The following CYP39A1 variants were observed in gnomAD, a reference collection of about 807,000 sequenced individuals.
CYP39A1 encodes cytochrome P450 family 39 subfamily A member 1.
In CYP39A1, 49 loss-of-function variants were observed where a neutral mutation model predicts 58.1. The ratio of observed to expected loss-of-function variants is 0.84; its 90% CI spans 0.67 to 1.07. The LOEUF (loss-of-function observed/expected upper bound fraction) is 1.07. CYP39A1 is among the 50% of genes least tolerant of loss of function. The pLI is 0.00. For synonymous variants in CYP39A1, 209 were observed against 187.6 expected (o/e 1.11, Z -0.93); for missense variants, 531 against 539.4 (o/e 0.98, Z 0.16).
intron 5 of CYP39A1, 41 bp downstream of exon 5, chr6:46,636,348 A>T: frequency 7.3e-7 from 1 of 1,378,710 alleles, no homozygotes; most frequent in Non-Finnish European, 1.0e-6. Flanking sequence ...ATAATTTATT[A>T]CTATCTTTAC....
rs201020819 is a variant in CYP39A1, at chr6:46,550,435, A to G, written c.1341T>C (p.Ser447=). ...GGGGGACACCCACCAAATGGAGATA[A>G]CTCTAAAAACAGAAATGCAGAAGAA... The part of the protein sequence containing the change: ...CSLLDPLPKQ[S]YLHLVGVPQP... The change falls in exon 12 of 12, where the codon AGT becomes AGC. Residue 447 remains serine (S), a splice_region_variant and synonymous_variant. Coordinates refer to ENST00000275016, the MANE Select transcript of CYP39A1 (RefSeq NM_016593.5). 1 of 1,610,118 alleles carries G rather than the reference A, an allele frequency of 6.2e-7. No individual in the cohort carries two copies. The highest frequency in any genetic ancestry group is 8.5e-7 in the Non-Finnish European group (1 of 1,178,066).
chr6:46,609,135 C>T (rs1774038760), intron 7 of CYP39A1, among the ~76,000 whole-genome samples: 1 of 151,946 alleles, frequency 6.6e-6, no homozygotes, highest in African/African-American at 2.4e-5. Context: ...GCACCGTGGG[C>T]TCACGCCTGT....
chr6:46,634,093 A>G (rs1307987213), intron 5 of CYP39A1, among the ~76,000 whole-genome samples: 2 of 152,248 alleles, frequency 1.3e-5, no homozygotes, highest in African/African-American at 4.8e-5. Context: ...CCAAAATCTC[A>G]TCTTGAATTC....
At chr6:46,646,751 T>C (rs1367197141) in intron 1 of CYP39A1, among the ~76,000 whole-genome samples, 1 of 152,088 alleles carries the variant, frequency 6.6e-6, no homozygotes, top group Non-Finnish European at 1.5e-5. Context: ...TGTAGGGCTA[T>C]TAAAATTATG....
chr6:46,556,292 A>G (rs1025654375), intron 10 of CYP39A1, among the ~76,000 whole-genome samples: 1 of 152,226 alleles, frequency 6.6e-6, no homozygotes, highest in Non-Finnish European at 1.5e-5. Flanking sequence ...AAAAACTCAC[A>G]GGTCTGAGAG....
In CYP39A1 at chr6:46,557,979, C is replaced by T. The variant is rs1770751062; in HGVS notation, c.1251-4125G>A. Among the ~76,000 whole-genome samples, 4 of 146,300 alleles carry T rather than the reference C, an allele frequency of 2.7e-5. No homozygotes were observed. In the South Asian group the frequency reaches 8.8e-4, roughly 32 times the overall value. ...AGAAAAAAAGAAAAAGAAAATCATG[C>T]TAATGTGAATCATAATCAAATTGCA... On this transcript the variant is annotated intron_variant, in intron 10 of 11. Transcript: ENST00000275016.
intron 1 of CYP39A1, among the ~76,000 whole-genome samples, chr6:46,646,433 C>A (rs185444980): frequency 6.6e-6 from 1 of 151,994 alleles, no homozygotes; most frequent in African/African-American, 2.4e-5. Flanking sequence ...AGACTTCACT[C>A]GGTAATTCTT....
intron 10 of CYP39A1, among the ~76,000 whole-genome samples, chr6:46,566,392 C>A (rs182623588): frequency 1.3e-5 from 2 of 152,266 alleles, no homozygotes; most frequent in South Asian, 2.1e-4. Context: ...CACTTACAAT[C>A]ATGGTAGAAG....
At chr6:46,556,805 T>C (rs997691908) in intron 10 of CYP39A1, among the ~76,000 whole-genome samples, 1 of 152,160 alleles carries the variant, frequency 6.6e-6, no homozygotes, top group Admixed American at 6.5e-5. Context: ...CCAGTATCCA[T>C]GGCACTTAAC....
At position 46,627,833 on chromosome 6, in the gene CYP39A1, A is replaced by G. The variant is rs372249456; in HGVS notation, c.841-2325T>C. Among the ~76,000 whole-genome samples, 6 of 152,328 alleles carry G rather than the reference A, an allele frequency of 3.9e-5. No individual in the cohort carries two copies. The East Asian group carries it at 1.2e-3, about 29-fold the overall frequency. ...AAATAGTTAATAAAAGTTTATATGT[A>G]TTACTACATCAATAAGCAAGAATAA... On this transcript the variant is annotated intron_variant, in intron 6 of 11. Coordinates refer to ENST00000275016, the MANE Select transcript of CYP39A1 (RefSeq NM_016593.5).
chr6:46,575,469 G>C (rs1771801333), intron 10 of CYP39A1, among the ~76,000 whole-genome samples: 1 of 152,208 alleles, frequency 6.6e-6, no homozygotes, highest in Non-Finnish European at 1.5e-5. Context: ...CAAAGTGCTT[G>C]TCAATGGCCA....
intron 7 of CYP39A1, among the ~76,000 whole-genome samples, chr6:46,605,040 T>C (rs572691327): frequency 6.6e-6 from 1 of 150,578 alleles, no homozygotes; most frequent in South Asian, 2.1e-4. Flanking sequence ...AATCTCATAA[T>C]GTTTTAAGAA....
At chr6:46,634,276 T>C (rs1038302300) in intron 5 of CYP39A1, among the ~76,000 whole-genome samples, 53 of 152,280 alleles carry the variant, frequency 3.5e-4, no homozygotes, top group Non-Finnish European at 8.8e-5. Context: ...TGTAAGATGT[T>C]ACTTGATCCT....
intron 10 of CYP39A1, among the ~76,000 whole-genome samples, chr6:46,560,641 G>A (rs1398199869): frequency 2.6e-5 from 4 of 152,106 alleles, no homozygotes; most frequent in Non-Finnish European, 1.5e-5. Context: ...TAAGTAATGA[G>A]CCCCATGATT....
intron 7 of CYP39A1, among the ~76,000 whole-genome samples, chr6:46,611,099 T>G (rs1255710181): frequency 6.6e-6 from 1 of 152,176 alleles, no homozygotes; most frequent in African/African-American, 2.4e-5. Flanking sequence ...CACACATGTT[T>G]CTACTCTCCT....
chr6:46,585,768 C>T (rs550099668), intron 10 of CYP39A1, among the ~76,000 whole-genome samples: 93 of 152,170 alleles, frequency 6.1e-4, no homozygotes, highest in African/African-American at 2.1e-3. Flanking sequence ...ATGAATTCAG[C>T]GACAAAATAA....
chr6:46,636,542 A>G, intron 4 of CYP39A1, 60 bp from the exon 5 acceptor site: 1 of 1,063,160 alleles, frequency 9.4e-7, no homozygotes, highest in South Asian at 1.5e-5. Flanking sequence ...ATAACAGGTC[A>G]CAGCATAAAA....
chr6:46,584,933 C>G lies in CYP39A1; in HGVS notation c.1250+2144G>C, dbSNP rs1291719953. Among the ~76,000 whole-genome samples, 3 of 152,106 alleles carry G rather than the reference C, an allele frequency of 2.0e-5. No individual in the cohort carries two copies. In the East Asian group the frequency reaches 5.8e-4, roughly 29 times the overall value. On this transcript the variant is annotated intron_variant, in intron 10 of 11. Coordinates refer to ENST00000275016, the MANE Select transcript of CYP39A1 (RefSeq NM_016593.5). ...TATTAATTGAATGTCCACTTTGCCC[C>G]TACTAAGTTGTTTCTCATGTGGGTT...
chr6:46,626,085 A>G (rs1416398393), intron 6 of CYP39A1, among the ~76,000 whole-genome samples: 1 of 152,112 alleles, frequency 6.6e-6, no homozygotes, highest in African/African-American at 2.4e-5. Flanking sequence ...GAATTAGTAA[A>G]TAAAAGAAAA....
Sources: gnomAD v4.1 joint callset for allele counts (sites outside exome capture counted in the v4.1 genomes callset) on GRCh38, gnomAD v4.1.1 for gene constraint, MANE v1.5 for transcripts, NCBI Gene and HGNC (gene_info 2026-07-23, HGNC 2026-07-21) for gene names.